Variants in DAB1 observed in about 807,000 individuals in gnomAD.
DAB1 encodes the protein disabled homolog 1.
Under a neutral mutation model 64.6 loss-of-function variants are expected in DAB1, and 15 were observed. That is an observed-to-expected ratio of 0.23 (90% CI 0.16 to 0.36). DAB1 has a LOEUF of 0.36. Ranked by LOEUF, DAB1 falls within the 10% of genes least tolerant of loss-of-function variation. DAB1 has a pLI of 1.00. For missense variants in DAB1, 596 were observed against 706.7 expected, an observed-to-expected ratio of 0.84 and a Z score of 1.78; for synonymous variants, 235 against 251.9, an observed-to-expected ratio of 0.93 and a Z score of 0.64.
chr1:57,293,763 A>G (rs1483611272), intron 1 of DAB1, among the ~76,000 whole-genome samples: 2 of 128,192 alleles, frequency 1.6e-5, no homozygotes, highest in African/African-American at 5.4e-5. Flanking sequence ...CACATTTTCA[A>G]GAATTTTTTA....
At chr1:57,876,857 G>C (rs1644055532) in intron 1 of DAB1, 1 of 152,054 alleles carries the variant, frequency 6.6e-6, no homozygotes, top group African/African-American at 2.4e-5. Context: ...AGGTCACAGG[G>C]AGGAGATGCC....
chr1:57,422,297 G>A (rs1390787098), intron 1 of DAB1, among the ~76,000 whole-genome samples: 2 of 152,312 alleles, frequency 1.3e-5, no homozygotes, highest in Non-Finnish European at 1.5e-5. Context: ...AGAAACGACG[G>A]CGCGGATTCT....
At chr1:57,717,904 T>C (rs1647103594) in intron 6 of DAB1, among the ~76,000 whole-genome samples, 1 of 151,310 alleles carries the variant, frequency 6.6e-6, no homozygotes, top group Non-Finnish European at 1.5e-5. Context: ...ATCTCATTAA[T>C]ACGTAGAATC....
At chr1:58,435,148 A>C (rs966655975) in intron 3 of DAB1, among the ~76,000 whole-genome samples, 8 of 152,298 alleles carry the variant, frequency 5.3e-5, no homozygotes, top group Admixed American at 2.6e-4. Context: ...GGTGGGCAGG[A>C]GGAGAGCAGT....
chr1:57,453,239 C>T (rs958611179), intron 7 of DAB1, among the ~76,000 whole-genome samples: 1 of 152,014 alleles, frequency 6.6e-6, no homozygotes, highest in African/African-American at 2.4e-5. Flanking sequence ...CTTTTCTATT[C>T]CAAAGTTTAT....
chr1:57,154,048 T>C (rs889821504), intron 2 of DAB1, among the ~76,000 whole-genome samples: 4 of 152,192 alleles, frequency 2.6e-5, no homozygotes. Context: ...ATCCTTTGTG[T>C]TACAAACAAT....
intron 5 of DAB1, among the ~76,000 whole-genome samples, chr1:58,083,518 C>T (rs1033235348): frequency 2.0e-5 from 3 of 152,224 alleles, no homozygotes; most frequent in Admixed American, 6.5e-5. Context: ...GCTGCAAACT[C>T]AGGACAGAGT....
intron 1 of DAB1, among the ~76,000 whole-genome samples, chr1:57,871,586 T>A (rs1232835899): frequency 6.6e-6 from 1 of 152,182 alleles, no homozygotes; most frequent in African/African-American, 2.4e-5. Context: ...AAAGCTGGGA[T>A]CCTAACAGGT....
At position 57,120,252 on chromosome 1, in the gene DAB1, C is replaced by T. The variant is rs570451035; in HGVS notation, c.306+16291G>A. ...TCTGTAAAATAAGAAATATATTAGT[C>T]TGATATAATGAAATGAGACCATTTT... On this transcript the variant is annotated intron_variant, in intron 4 of 14. Coordinates refer to ENST00000371236, the MANE Select transcript of DAB1 (RefSeq NM_001365792.1). Among the ~76,000 whole-genome samples the T allele has an allele frequency of 1.1e-3, 174 of 152,222 alleles. 4 individuals are homozygous for T. The South Asian group carries it at 0.013, about 12-fold the overall frequency.
intron 7 of DAB1, among the ~76,000 whole-genome samples, chr1:57,609,501 C>T (rs761319366): frequency 1.3e-5 from 2 of 152,062 alleles, no homozygotes; most frequent in African/African-American, 2.4e-5. Flanking sequence ...CGAATTCCCC[C>T]ACGAATACCC....
chr1:58,222,170 G>A (rs895671769), intron 4 of DAB1, among the ~76,000 whole-genome samples: 1 of 152,124 alleles, frequency 6.6e-6, no homozygotes, highest in East Asian at 1.9e-4. Context: ...GAAGAGTGAT[G>A]GGTAATCACC....
chr1:57,705,255 A>G (rs1033821706), intron 6 of DAB1, among the ~76,000 whole-genome samples: 5 of 151,518 alleles, frequency 3.3e-5, no homozygotes, highest in Non-Finnish European at 7.4e-5. Context: ...TTTGTTTTAC[A>G]TAGTGTTCAC....
At chr1:58,168,377 G>A (rs771493041) in intron 4 of DAB1, among the ~76,000 whole-genome samples, 4 of 152,114 alleles carry the variant, frequency 2.6e-5, no homozygotes, top group Non-Finnish European at 4.4e-5. Flanking sequence ...TCACCCAAGC[G>A]AAACTTGCCC....
chr1:57,934,271 C>T (rs1443249227), intron 5 of DAB1, among the ~76,000 whole-genome samples: 2 of 151,996 alleles, frequency 1.3e-5, no homozygotes, highest in African/African-American at 4.8e-5. Flanking sequence ...GTAGTGGTAG[C>T]TCATTGTGAG....
chr1:57,735,919 G>A (rs1172525078), intron 6 of DAB1, among the ~76,000 whole-genome samples: 2 of 152,118 alleles, frequency 1.3e-5, no homozygotes, highest in African/African-American at 2.4e-5. Flanking sequence ...TCAATGGGAT[G>A]TAAAGAAATG....
At chr1:57,620,820 G>A (rs547374896) in intron 7 of DAB1, among the ~76,000 whole-genome samples, 9 of 152,280 alleles carry the variant, frequency 5.9e-5, no homozygotes, top group Admixed American at 3.3e-4. Context: ...GGGGCAGCGC[G>A]GCAGACACAC....
rs1031313706 is a variant in DAB1, at chr1:57,055,595, C to A, written c.723+7289G>T. ...GTTGATGCACTCAGGTGAAGGAGAG[C>A]AATAAGAAACAGAAAATTCTAACTT... On this transcript the variant is annotated intron_variant, in intron 9 of 14. Coordinates refer to ENST00000371236, the MANE Select transcript of DAB1 (RefSeq NM_001365792.1). Among the ~76,000 whole-genome samples, 4 of 152,110 alleles carry A rather than the reference C, an allele frequency of 2.6e-5. No homozygotes were observed. In the South Asian group the frequency reaches 8.3e-4, roughly 32 times the overall value.
chr1:57,498,586 G>A (rs2101305678), intron 7 of DAB1, among the ~76,000 whole-genome samples: 1 of 152,316 alleles, frequency 6.6e-6, no homozygotes, highest in African/African-American at 2.4e-5. Context: ...TAAGGACATT[G>A]AGATCACTTG....
chr1:57,967,975 G>T lies in DAB1; in HGVS notation n.388-83813C>A, dbSNP rs141187870. Among the ~76,000 whole-genome samples the T allele has an allele frequency of 6.8e-3, 1,030 of 152,276 alleles. 6 individuals carry two copies. The highest frequency in any genetic ancestry group is 0.014 in the Middle Eastern group (4 of 294). ...CCTTGTGATTATTAACTGAGGGAAT[G>T]AAAAGGAAAACATAGCGCCGAACAT... On this transcript the variant is annotated intron_variant and non_coding_transcript_variant, in intron 5 of 20. Coordinates refer to the DAB1 transcript ENST00000485760.
Sources: gnomAD v4.1 joint callset for allele counts (sites outside exome capture counted in the v4.1 genomes callset) on GRCh38, gnomAD v4.1.1 for gene constraint, MANE v1.5 for transcripts, NCBI Gene and HGNC (gene_info 2026-07-23, HGNC 2026-07-21) for gene names.